The following GLI3 variants were observed in gnomAD, a reference collection of about 807,000 sequenced individuals.
GLI3 encodes transcription activator GLI3.
A neutral mutation model predicts 100.8 loss-of-function variants in GLI3; 20 were observed. The observed-to-expected ratio is 0.20, with a 90% CI of 0.14 to 0.29. The LOEUF (loss-of-function observed/expected upper bound fraction) is 0.29. Ranked by LOEUF, GLI3 falls within the 10% of genes least tolerant of loss-of-function variation. The pLI is 1.00. For synonymous variants in GLI3, 938 were observed against 860.5 expected (o/e 1.09, Z -1.58); for missense variants, 2,040 against 2,128.5 (o/e 0.96, Z 0.82).
chr7:42,216,849 C>T (rs1376076277), intron 2 of GLI3, among the ~76,000 whole-genome samples: 1 of 152,118 alleles, frequency 6.6e-6, no homozygotes, highest in Non-Finnish European at 1.5e-5. Context: ...TTAGCTAAAG[C>T]ATAGGTTATG....
intron 10 of GLI3, among the ~76,000 whole-genome samples, chr7:42,006,565 T>C (rs565984971): frequency 5.7e-4 from 87 of 152,320 alleles, no homozygotes; most frequent in African/African-American, 2.0e-3. Flanking sequence ...TGTGTGAACC[T>C]GCATGTGTAT....
At chr7:42,046,290 G>A (rs998726669) in intron 5 of GLI3, among the ~76,000 whole-genome samples, 3 of 152,198 alleles carry the variant, frequency 2.0e-5, no homozygotes, top group Non-Finnish European at 2.9e-5. Context: ...CCATGAGGTC[G>A]TCAGGAGCAA....
At chr7:42,049,186 T>C (rs920323594) in intron 4 of GLI3, among the ~76,000 whole-genome samples, 1 of 152,078 alleles carries the variant, frequency 6.6e-6, no homozygotes, top group African/African-American at 2.4e-5. Flanking sequence ...AATCCCAAAT[T>C]TGTCTGGTCT....
chr7:42,026,761 C>T (rs994803479), intron 7 of GLI3, among the ~76,000 whole-genome samples: 1 of 152,214 alleles, frequency 6.6e-6, no homozygotes, highest in South Asian at 2.1e-4. Flanking sequence ...CTCTTAGTTC[C>T]GTATGTTCCT....
chr7:42,052,084 T>G (rs547779294), intron 4 of GLI3, among the ~76,000 whole-genome samples: 1 of 152,350 alleles, frequency 6.6e-6, no homozygotes, highest in African/African-American at 2.4e-5. Context: ...GTATGTAGAC[T>G]TTCCAGATTG....
intron 3 of GLI3, among the ~76,000 whole-genome samples, chr7:42,132,139 C>A (rs937741074): frequency 6.6e-6 from 1 of 151,888 alleles, no homozygotes; most frequent in Non-Finnish European, 1.5e-5. Flanking sequence ...CTCGCTCTGT[C>A]GCCCAGGCTG....
chr7:42,130,306 G>A (rs773972997), intron 3 of GLI3, among the ~76,000 whole-genome samples: 1 of 152,126 alleles, frequency 6.6e-6, no homozygotes, highest in Non-Finnish European at 1.5e-5. Flanking sequence ...CTTCTCCACG[G>A]TTTTGGGGAA....
rs536924232 is a variant in GLI3, at chr7:42,090,404, C to T, written c.368-13547G>A. Among the ~76,000 whole-genome samples, 25 of 152,312 alleles carry T rather than the reference C, an allele frequency of 1.6e-4. No individual in the cohort carries two copies. In the South Asian group the frequency reaches 1.7e-3, roughly 10 times the overall value. ...GCTCCATTATAATCTTATGGGACCA[C>T]TGTCTTACATGTGGTCAGTCCTTGA... On this transcript the variant is annotated intron_variant, in intron 3 of 14. Coordinates refer to ENST00000395925, the MANE Select transcript of GLI3 (RefSeq NM_000168.6).
intron 2 of GLI3, among the ~76,000 whole-genome samples, chr7:42,194,759 C>CTTTTTTTT (rs61524545): frequency 0.094 from 10,152 of 107,886 alleles, 1,132 homozygotes; most frequent in African/African-American, 0.24. Context: ...CTCTCTGTCT[C>CTTTTTTTT]TTTTTTTTTT....
chr7:42,118,476 CT>C, intron 3 of GLI3: 1 of 395,336 alleles, frequency 2.5e-6, no homozygotes, highest in Admixed American at 4.4e-5. Context: ...CTAGAGACCC[CT>C]AGCCCCCAAT....
intron 4 of GLI3, among the ~76,000 whole-genome samples, chr7:42,058,817 C>G (rs1470212569): frequency 1.3e-5 from 2 of 152,200 alleles, no homozygotes; most frequent in African/African-American, 2.4e-5. Flanking sequence ...TCATTCCTTC[C>G]AGGAAAGACT....
At chr7:42,247,589 C>T (rs528118715) in intron 1 of GLI3, among the ~76,000 whole-genome samples, 127 of 152,298 alleles carry the variant, frequency 8.3e-4, no homozygotes, top group Non-Finnish European at 8.2e-4. Flanking sequence ...ATTCTGCTTC[C>T]GTGTAAGTTT....
intron 2 of GLI3, among the ~76,000 whole-genome samples, chr7:42,209,986 G>GAAAAAAAAAAAAA (rs749477443): frequency 6.0e-5 from 2 of 33,268 alleles, no homozygotes; most frequent in African/African-American, 1.5e-4. Flanking sequence ...TTAAGAATCT[G>GAAAAAAAAAAAAA]AAAAAAAAAA....
chr7:42,065,375 A>G (rs6960238), intron 4 of GLI3, among the ~76,000 whole-genome samples: 18,362 of 151,892 alleles, frequency 0.12, 1,274 homozygotes, highest in African/African-American at 0.18. Context: ...AAACAACTGA[A>G]TGTACCCTTC....
At chr7:42,079,152 G>A (rs933243206) in intron 3 of GLI3, among the ~76,000 whole-genome samples, 5 of 152,332 alleles carry the variant, frequency 3.3e-5, no homozygotes, top group South Asian at 2.1e-4. Context: ...AATATTGAAA[G>A]TTGATTTGGT....
At chr7:42,077,837 A>G (rs1335378110) in intron 3 of GLI3, among the ~76,000 whole-genome samples, 1 of 152,240 alleles carries the variant, frequency 6.6e-6, no homozygotes, top group East Asian at 1.9e-4. Context: ...TTCAAGAAGC[A>G]AAATGAAGGG....
intron 3 of GLI3, among the ~76,000 whole-genome samples, chr7:42,119,741 T>C (rs1054011879): frequency 4.6e-5 from 7 of 152,226 alleles, no homozygotes; most frequent in African/African-American, 1.7e-4. Context: ...TAAATCCCTC[T>C]TAAAAGGTCC....
chr7:42,119,823 A>G (rs1785951103), intron 3 of GLI3, among the ~76,000 whole-genome samples: 1 of 152,190 alleles, frequency 6.6e-6, no homozygotes, highest in Non-Finnish European at 1.5e-5. Flanking sequence ...AGAAGCAAGG[A>G]AAGTCACAAC....
intron 4 of GLI3, among the ~76,000 whole-genome samples, chr7:42,056,912 G>A (rs1784473550): frequency 6.6e-6 from 1 of 151,674 alleles, no homozygotes; most frequent in African/African-American, 2.4e-5. Context: ...AACCCAGGAG[G>A]CGGAGGTTGT....
Sources: allele counts gnomAD v4.1 joint callset (sites outside exome capture counted in the v4.1 genomes callset), GRCh38; gene constraint gnomAD v4.1.1; transcripts MANE v1.5; gene names NCBI Gene and HGNC (gene_info 2026-07-23, HGNC 2026-07-21).